MTREX: variants seen among roughly 807,000 people sequenced by gnomAD.
MTREX encodes the protein Mtr4 exosome RNA helicase, also known as exosome RNA helicase MTR4.
MTREX carries 76 observed loss-of-function variants against 135.4 expected under a neutral mutation model. That is an observed-to-expected ratio of 0.56 (90% confidence interval 0.47 to 0.68). The LOEUF (loss-of-function observed/expected upper bound fraction) is 0.68, where lower values mean the gene tolerates loss of function less well. MTREX is among the 30% of genes least tolerant of loss of function. The pLI, the probability that MTREX is intolerant of heterozygous loss-of-function variation, is 0.00. For missense variants in MTREX, 920 were observed against 1,262.1 expected (o/e 0.73, Z 4.11); for synonymous variants, 404 against 401.6 (o/e 1.01, Z -0.07).
chr5:55,342,828 G>A (rs1749672382), intron 7 of MTREX, among the ~76,000 whole-genome samples: 1 of 152,052 alleles, frequency 6.6e-6, no homozygotes, highest in Non-Finnish European at 1.5e-5. Context: ...GTCTATTTTA[G>A]GAGGGAAGCT....
At chr5:55,327,606 C>T in intron 3 of MTREX, 110 bp from the exon 4 acceptor site, 1 of 813,364 alleles carries the variant, frequency 1.2e-6, no homozygotes, top group Non-Finnish European at 2.1e-6. Flanking sequence ...AAGTTCATCA[C>T]TCTAGTTCAT....
intron 13 of MTREX, among the ~76,000 whole-genome samples, chr5:55,352,692 T>G (rs564537362): frequency 7.2e-5 from 11 of 152,322 alleles, no homozygotes; most frequent in Admixed American, 3.9e-4. Flanking sequence ...TCAGTGACTT[T>G]ACTTATACAT....
intron 9 of MTREX, among the ~76,000 whole-genome samples, 157 bp from the exon 10 acceptor site, chr5:55,344,937 C>A (rs1204870302): frequency 6.6e-6 from 1 of 151,816 alleles, no homozygotes; most frequent in African/African-American, 2.4e-5. Flanking sequence ...TCTTTTTCAC[C>A]TTTTAATACC....
chr5:55,410,230 A>C (rs1367456447), intron 22 of MTREX, among the ~76,000 whole-genome samples: 1 of 152,172 alleles, frequency 6.6e-6, no homozygotes, highest in African/African-American at 2.4e-5. Flanking sequence ...AAAATAAATG[A>C]CAGTGATGAT....
chr5:55,348,972 C>G (rs529756045), intron 11 of MTREX, among the ~76,000 whole-genome samples: 2 of 152,030 alleles, frequency 1.3e-5, no homozygotes, highest in African/African-American at 4.8e-5. Flanking sequence ...ATAATAGTTC[C>G]TGTGTCCTGT....
intron 21 of MTREX, among the ~76,000 whole-genome samples, chr5:55,404,347 A>T (rs534554717): frequency 1.1e-4 from 16 of 152,326 alleles, no homozygotes; most frequent in African/African-American, 3.8e-4. Flanking sequence ...TATCTACTCT[A>T]AAGGATGACA....
chr5:55,312,497 G>GT (rs1165712702), intron 1 of MTREX, among the ~76,000 whole-genome samples: 10 of 151,754 alleles, frequency 6.6e-5, no homozygotes, highest in African/African-American at 1.2e-4. Context: ...ACCCTCAGGA[G>GT]TTTTTTTGTG....
Position 55,425,047 on chromosome 5 carries a change from AG to A in MTREX, c.*277del. ...AGCTATTAGATAACCACTGAGTTAA[AG>A]GTAACTATGTACACACAAAGTGTGC... On this transcript the variant is annotated 3_prime_UTR_variant, in exon 27 of 27. Coordinates refer to ENST00000230640, the MANE Select transcript of MTREX (RefSeq NM_015360.5). 2 of 1,006,176 alleles carry A rather than the reference AG, an allele frequency of 2.0e-6. No homozygotes were observed. 62.3% of individuals were successfully genotyped at this position (1,006,176 alleles called of 1,614,324 possible).
chr5:55,317,775 A>G (rs1749222378), intron 1 of MTREX, among the ~76,000 whole-genome samples: 1 of 152,236 alleles, frequency 6.6e-6, no homozygotes, highest in Non-Finnish European at 1.5e-5. Context: ...AAATTGACAA[A>G]TGGGATCTAA....
chr5:55,414,414 G>A (rs1750934859), intron 24 of MTREX, among the ~76,000 whole-genome samples, 176 bp downstream of exon 24: 1 of 151,926 alleles, frequency 6.6e-6, no homozygotes, highest in Non-Finnish European at 1.5e-5. Context: ...AACATCTCTT[G>A]TGATTTTTAC....
intron 4 of MTREX, among the ~76,000 whole-genome samples, chr5:55,328,257 G>A (rs981805196): frequency 6.6e-6 from 1 of 152,096 alleles, no homozygotes; most frequent in African/African-American, 2.4e-5. Flanking sequence ...AAGTCTAATA[G>A]ATGTAATATT....
intron 18 of MTREX, among the ~76,000 whole-genome samples, chr5:55,380,187 G>T (rs1014494845): frequency 9.9e-5 from 15 of 151,930 alleles, no homozygotes; most frequent in African/African-American, 2.9e-4. Context: ...TGATCTGCCC[G>T]CCTCGGCCTC....
intron 19 of MTREX, among the ~76,000 whole-genome samples, chr5:55,396,412 CAT>C (rs1295158657): frequency 6.6e-6 from 1 of 152,062 alleles, no homozygotes; most frequent in African/African-American, 2.4e-5. Flanking sequence ...TTGTTCTTAA[CAT>C]ATACATGTAT....
chr5:55,331,565 T>G (rs577786605), intron 5 of MTREX, among the ~76,000 whole-genome samples: 3 of 152,172 alleles, frequency 2.0e-5, no homozygotes, highest in Non-Finnish European at 4.4e-5. Flanking sequence ...CTTGGTTGGT[T>G]TTTCCCTGGC....
chr5:55,320,254 G>T (rs1206697832), intron 1 of MTREX, among the ~76,000 whole-genome samples: 34 of 135,754 alleles, frequency 2.5e-4, no homozygotes, highest in African/African-American at 9.0e-4. Context: ...GTCTTGCTCT[G>T]TCGCCCAGGC....
In MTREX at chr5:55,358,645, A is replaced by G. The variant is rs1439245651; in HGVS notation, c.1606A>G (p.Ile536Val). The G allele has an allele frequency of 6.2e-7, 1 of 1,606,596 alleles. No individual in the cohort carries two copies. The highest frequency in any genetic ancestry group is 8.5e-7 in the Non-Finnish European group (1 of 1,177,186). Residue 536 changes from isoleucine (I) to valine (V), a missense_variant, in exon 15 of 27, where the codon ATT becomes GTT. Ile to Val is a conservative substitution (Grantham distance 29). Transcript: ENST00000230640. ...RRGMDDRGIVILMVDEKMSPT... is the reference protein window; with the variant it reads ...RRGMDDRGIVVLMVDEKMSPT... The stretch of plus-strand genomic sequence containing the variant: ...AGGAATGGATGATAGAGGAATTGTA[A>G]TTCTTATGGTAGATGAAAAGATGAG...
chr5:55,324,256 A>G (rs951498798), intron 3 of MTREX, 58 bp downstream of exon 3: 10 of 1,202,922 alleles, frequency 8.3e-6, no homozygotes, highest in South Asian at 2.7e-5. Context: ...TCTTTGGACT[A>G]TCTAGTATGA....
At chr5:55,403,643 CAAAG>C (rs1308617245) in intron 21 of MTREX, among the ~76,000 whole-genome samples, 5 of 152,316 alleles carry the variant, frequency 3.3e-5, no homozygotes, top group Middle Eastern at 6.8e-3. Context: ...TCACTTCAGT[CAAAG>C]AAACCCTAAA....
intron 26 of MTREX, 124 bp from the exon 27 acceptor site, chr5:55,424,596 G>C: frequency 1.5e-6 from 1 of 647,270 alleles, no homozygotes; most frequent in Non-Finnish European, 2.8e-6. Context: ...CAAGGTGTTT[G>C]ACTTTCTAGG....
Sources: allele counts gnomAD v4.1 joint callset (sites outside exome capture counted in the v4.1 genomes callset), GRCh38; gene constraint gnomAD v4.1.1; transcripts MANE v1.5; gene names NCBI Gene and HGNC (gene_info 2026-07-23, HGNC 2026-07-21).